The following PPFIBP2 variants were observed in gnomAD, a reference collection of about 807,000 sequenced individuals.
PPFIBP2 encodes the protein PPFIB scaffold protein 2.
In PPFIBP2, 118 loss-of-function variants were observed where a neutral mutation model predicts 118.3. That is an observed-to-expected ratio of 1.00 (90% confidence interval 0.86 to 1.16). PPFIBP2 has a LOEUF of 1.16. Ranked by LOEUF, PPFIBP2 falls within the 50% of genes most tolerant of loss-of-function variation. The pLI, the probability that PPFIBP2 is intolerant of heterozygous loss-of-function variation, is 0.00. For missense variants in PPFIBP2, 1,195 were observed against 1,073.1 expected (o/e 1.11, Z -1.59); for synonymous variants, 414 against 397.4 (o/e 1.04, Z -0.50).
rs1174782076 is a variant in PPFIBP2, at chr11:7,642,115, G to A, written c.1518-183G>A. On this transcript the variant is annotated intron_variant, in intron 16 of 23. Transcript: ENST00000299492. ...AAATCCCAGAGGCAGGATCCGAATTGAGGCTTGAGTCTGGCCAAGGAGCTG... is the reference window on the plus strand; with the variant it reads ...AAATCCCAGAGGCAGGATCCGAATTAAGGCTTGAGTCTGGCCAAGGAGCTG... The A allele has an allele frequency of 7.6e-6, 5 of 654,294 alleles. No homozygotes were observed. The East Asian group carries it at 1.2e-4, about 15-fold the overall frequency. 40.5% of individuals were successfully genotyped at this position (654,294 alleles called of 1,614,324 possible).
rs748224440 is a variant in PPFIBP2 at position 7,629,511 on chromosome 11, A to G, written c.941A>G (p.Lys314Arg). 19 of 1,614,014 alleles carry G rather than the reference A, an allele frequency of 1.2e-5. No homozygotes were observed. Among genetic ancestry groups the G allele is most frequent in the Non-Finnish European group, 5.1e-6 (6 of 1,179,986 alleles). Residue 314 changes from lysine (K) to arginine (R), a missense_variant, in exon 10 of 24, where the codon AAG becomes AGG. By Grantham distance (26) the Lys-to-Arg change is conservative. Transcript: ENST00000299492. ...CTGTTAAACCAGTACCGGAAGGTAA[A>G]GGAGATTGTGATGGTCACTCAAGGT... ...TGLLNQYRKV[K>R]EIVMVTQGPS... is the part of the protein sequence containing the mutation.
At position 7,599,580 on chromosome 11, in the gene PPFIBP2, C is replaced by T. The variant is rs188809749; in HGVS notation, c.486+1907C>T. The stretch of plus-strand genomic sequence containing the variant: ...GAGGCTGTCTAGTTCCTCTAAACAT[C>T]ATCCCATGGATGGCATTTTAGACTT... On this transcript the variant is annotated intron_variant, in intron 5 of 23. Transcript: ENST00000299492. Among the ~76,000 whole-genome samples the T allele has an allele frequency of 5.3e-5, 8 of 151,930 alleles. No homozygotes were observed. The East Asian group carries it at 1.4e-3, about 26-fold the overall frequency.
intron 1 of PPFIBP2, among the ~76,000 whole-genome samples, chr11:7,521,067 C>T (rs4078258): frequency 0.68 from 102,753 of 152,156 alleles, 36,028 homozygotes; most frequent in African/African-American, 0.85. Flanking sequence ...CTGCTGACTC[C>T]GAGCTTTGTC....
At chr11:7,641,131 C>T (rs753739821) in intron 15 of PPFIBP2, 11 of 1,196,348 alleles carry the variant, frequency 9.2e-6, no homozygotes, top group Non-Finnish European at 1.2e-5. Flanking sequence ...CTAACCCTCC[C>T]CTTCACCAGC....
intron 3 of PPFIBP2, among the ~76,000 whole-genome samples, chr11:7,587,575 C>T (rs946804776): frequency 8.5e-5 from 13 of 152,342 alleles, no homozygotes; most frequent in Non-Finnish European, 5.9e-5. Context: ...CTTTAGGCAG[C>T]GTGCACCGGG....
At chr11:7,664,072 G>A in the PPFIBP2 span, among the ~76,000 whole-genome samples, 3 of 152,106 alleles carry the variant, frequency 2.0e-5, no homozygotes, top group Admixed American at 1.3e-4. Flanking sequence ...AGATGAACCC[G>A]GTACCTCAGA....
At chr11:7,554,853 T>C (rs1423363403) in intron 2 of PPFIBP2, among the ~76,000 whole-genome samples, 2 of 148,784 alleles carry the variant, frequency 1.3e-5, no homozygotes, top group African/African-American at 2.5e-5. Flanking sequence ...CAGTATTTTA[T>C]ATCAGAAAGT....
chr11:7,581,644 A>G (rs958576972), intron 3 of PPFIBP2, among the ~76,000 whole-genome samples: 2 of 152,198 alleles, frequency 1.3e-5, no homozygotes, highest in African/African-American at 4.8e-5. Flanking sequence ...GTTGGACTGC[A>G]GTGAAAGTTA....
At chr11:7,514,180 C>A (rs571884166) in intron 1 of PPFIBP2, 59 bp downstream of exon 1, 5 of 152,384 alleles carry the variant, frequency 3.3e-5, no homozygotes, top group African/African-American at 1.2e-4. Context: ...GGATCCCCGT[C>A]GGGAGCATTA....
Position 7,554,828 on chromosome 11 carries a change from A to G in PPFIBP2, c.64+5289A>G, listed in dbSNP as rs115785459. Among the ~76,000 whole-genome samples the G allele has an allele frequency of 5.4e-3, 719 of 133,018 alleles. 11 individuals are homozygous for G. The highest frequency in any genetic ancestry group is 0.02 in the African/African-American group (682 of 34,072). 87.3% of individuals were successfully genotyped at this position (133,018 alleles called of 152,430 possible). On this transcript the variant is annotated intron_variant, in intron 2 of 23. Transcript: ENST00000299492. ...CTAGACTAGACTAGATTGGGTCTAT[A>G]CTAGATTGGGACCTCAGTATTTTAT...
chr11:7,625,503 T>C (rs10839825), intron 7 of PPFIBP2, among the ~76,000 whole-genome samples: 1 of 152,026 alleles, frequency 6.6e-6, no homozygotes, highest in Non-Finnish European at 1.5e-5. Flanking sequence ...ATCCTCACAG[T>C]GCAGGGGAGA....
At chr11:7,533,578 T>G (rs1392745468) in intron 1 of PPFIBP2, among the ~76,000 whole-genome samples, 2 of 152,066 alleles carry the variant, frequency 1.3e-5, no homozygotes, top group Non-Finnish European at 2.9e-5. Flanking sequence ...ACGATAAAGG[T>G]GTGTACCAGA....
chr11:7,611,980 T>C (rs7123745), intron 6 of PPFIBP2, among the ~76,000 whole-genome samples: 23,088 of 152,224 alleles, frequency 0.15, 2,507 homozygotes, highest in African/African-American at 0.3. Flanking sequence ...TATGTGAACA[T>C]ACATTAGGAC....
rs1034895327 is a variant in PPFIBP2, at chr11:7,651,788, C to T, written c.2380C>T (p.Arg794Ter). Residue 794 changes from arginine (R) to a stop codon, truncating the protein, a stop_gained, in exon 23 of 24, where the codon CGA becomes TGA. Transcript: ENST00000299492. LOFTEE classifies it high-confidence loss of function. The part of the protein sequence containing the change: ...LIGPEAEQEK[R>*]EKMASPAYTP... ...TGGTCCGGAGGCTGAACAGGAGAAG[C>T]GAGAGAAAATGGCCTCACCAGCTTA... 8.1e-6 allele frequency: 13 copies of T among 1,613,770 alleles called. No homozygotes were observed. The highest frequency in any genetic ancestry group is 5.0e-5 in the Admixed American group (3 of 59,998).
At chr11:7,576,533 C>A (rs1335745882) in intron 3 of PPFIBP2, 1 of 152,442 alleles carries the variant, frequency 6.6e-6, no homozygotes. Context: ...GCCAGCCTTT[C>A]CAAGGCCCCT....
chr11:7,637,707 A>G (rs1851631694), intron 14 of PPFIBP2, among the ~76,000 whole-genome samples: 1 of 152,244 alleles, frequency 6.6e-6, no homozygotes, highest in Admixed American at 6.5e-5. Flanking sequence ...CCTCTGCGTC[A>G]CGTCTTGACA....
At chr11:7,523,502 T>C (rs1387514035) in intron 1 of PPFIBP2, among the ~76,000 whole-genome samples, 1 of 152,236 alleles carries the variant, frequency 6.6e-6, no homozygotes. Context: ...CCTCATCTTG[T>C]TCTGAAGGTT....
intron 1 of PPFIBP2, among the ~76,000 whole-genome samples, chr11:7,527,334 T>C (rs1219771021): frequency 6.6e-6 from 1 of 151,930 alleles, no homozygotes; most frequent in East Asian, 2.0e-4. Context: ...GGAAGGAGTC[T>C]GGCAAGAATG....
intron 5 of PPFIBP2, among the ~76,000 whole-genome samples, chr11:7,602,968 G>A (rs1432021325): frequency 6.6e-6 from 1 of 152,226 alleles, no homozygotes. Context: ...CAGAGTTATA[G>A]TAAAGTTATT....
Sources: allele counts gnomAD v4.1 joint callset (sites outside exome capture counted in the v4.1 genomes callset), GRCh38; gene constraint gnomAD v4.1.1; transcripts MANE v1.5; gene names NCBI Gene and HGNC (gene_info 2026-07-23, HGNC 2026-07-21).